The following ADAMTS6 variants were observed in gnomAD, a reference collection of about 807,000 sequenced individuals.
ADAMTS6 encodes the protein ADAM metallopeptidase with thrombospondin type 1 motif 6.
A neutral mutation model predicts 144.3 loss-of-function variants in ADAMTS6; 23 were observed. The ratio of observed to expected loss-of-function variants is 0.16; its 90% CI spans 0.11 to 0.23. The LOEUF (loss-of-function observed/expected upper bound fraction) is 0.23. Ranked by LOEUF, ADAMTS6 falls within the 10% of genes least tolerant of loss-of-function variation. ADAMTS6 has a pLI of 1.00. For synonymous variants in ADAMTS6, 444 were observed against 457.5 expected (o/e 0.97, Z 0.38); for missense variants, 999 against 1,379.6 (o/e 0.72, Z 4.37).
At chr5:65,371,212 A>G (rs1233637592) in intron 7 of ADAMTS6, among the ~76,000 whole-genome samples, 5 of 152,228 alleles carry the variant, frequency 3.3e-5, no homozygotes, top group Non-Finnish European at 7.3e-5. Context: ...AAAGCAGAGC[A>G]CCTCTCCTCC....
chr5:65,445,810 T>C (rs965969222), intron 7 of ADAMTS6, among the ~76,000 whole-genome samples: 4 of 151,916 alleles, frequency 2.6e-5, no homozygotes, highest in African/African-American at 7.3e-5. Flanking sequence ...ATATGGGCAA[T>C]GGGGGTGGGT....
intron 11 of ADAMTS6, among the ~76,000 whole-genome samples, chr5:65,279,676 C>A (rs1343962886): frequency 3.3e-5 from 5 of 152,126 alleles, no homozygotes; most frequent in Admixed American, 2.6e-4. Flanking sequence ...GCTCTGATTT[C>A]TATGTCTTTC....
rs1762205084 is a variant in ADAMTS6, at chr5:65,273,378, C to G, written c.1582G>C (p.Glu528Gln). The change falls in exon 12 of 25, where the codon GAG (glutamate) becomes CAG (glutamine). Residue 528 changes from glutamate to glutamine, a missense_variant. Glu to Gln is a conservative substitution (Grantham distance 29, BLOSUM62 2). Transcript: ENST00000381055. ...TTCCCAGTTTGACACAGTGTCCCCT[C>G]AGCTGCTGGAATACTGTTGGTGACA... is the stretch of plus-strand genomic sequence containing the variant. The part of the protein sequence containing the change: ...RCVTNSIPAA[E>Q]GTLCQTGNIE... 6.2e-7 allele frequency: 1 copy of G among 1,613,988 alleles called. No individual in the cohort carries two copies. Among genetic ancestry groups the G allele is most frequent in the Non-Finnish European group, 8.5e-7 (1 of 1,179,900 alleles).
intron 1 of ADAMTS6, among the ~76,000 whole-genome samples, chr5:65,477,619 C>T (rs1760929856): frequency 6.6e-6 from 1 of 152,146 alleles, no homozygotes; most frequent in Non-Finnish European, 1.5e-5. Flanking sequence ...TAAGGATTTG[C>T]AGTAAAAAAG....
chr5:65,299,870 T>C (rs2112796226), intron 10 of ADAMTS6, 115 bp downstream of exon 10: 1 of 1,163,362 alleles, frequency 8.6e-7, no homozygotes, highest in Non-Finnish European at 1.2e-6. Context: ...AGTTGAAACA[T>C]CAGTAGGCCC....
intron 9 of ADAMTS6, among the ~76,000 whole-genome samples, chr5:65,327,835 CATAAG>C (rs1208450827): frequency 6.6e-6 from 1 of 152,162 alleles, no homozygotes; most frequent in African/African-American, 2.4e-5. Context: ...CTTGTGACTA[CATAAG>C]ATAATAGTGT....
chr5:65,397,585 T>C (rs1229813801), intron 7 of ADAMTS6, among the ~76,000 whole-genome samples: 1 of 152,074 alleles, frequency 6.6e-6, no homozygotes, highest in Non-Finnish European at 1.5e-5. Context: ...TTTAGAAGTA[T>C]GTTGTTTATG....
chr5:65,466,376 C>G (rs1489214469), intron 3 of ADAMTS6, among the ~76,000 whole-genome samples: 1 of 152,184 alleles, frequency 6.6e-6, no homozygotes, highest in African/African-American at 2.4e-5. Context: ...CCCTCAGATG[C>G]CAGCATTTCC....
At chr5:65,361,616 T>C (rs931937439) in intron 7 of ADAMTS6, among the ~76,000 whole-genome samples, 1 of 152,200 alleles carries the variant, frequency 6.6e-6, no homozygotes, top group Non-Finnish European at 1.5e-5. Flanking sequence ...TCTAAATCAG[T>C]TGGGCTAGAA....
chr5:65,250,905 T>C (rs1219273990), intron 14 of ADAMTS6, among the ~76,000 whole-genome samples: 2 of 152,236 alleles, frequency 1.3e-5, no homozygotes, highest in Non-Finnish European at 2.9e-5. Context: ...GCCATATTTT[T>C]ACTCTTTACA....
chr5:65,214,346 T>G lies in ADAMTS6; in HGVS notation c.2575+448A>C. 2 of 304,862 alleles carry G rather than the reference T, an allele frequency of 6.6e-6. No homozygotes were observed. Among genetic ancestry groups the G allele is most frequent in the Non-Finnish European group, 6.3e-6 (1 of 157,542 alleles). The allele number at this position is 304,862 out of a possible 1,614,324, so 18.9% of individuals were successfully genotyped here. ...TAACTTTGATGGCAGGAGAAGGGAG[T>G]TTGAATAGGATTGTGGCAAACACAC... On this transcript the variant is annotated intron_variant, in intron 20 of 24. Transcript: ENST00000381055. The surrounding 1 kb of genome is among the most constrained non-coding windows in gnomAD (Gnocchi z 4.6).
In ADAMTS6 at chr5:65,168,833, T is replaced by C. The variant is rs1216835151; in HGVS notation, c.3244+1784A>G. The stretch of plus-strand genomic sequence containing the variant: ...GTGCTGGGAAAACTGGCTAGCCATA[T>C]GTAGAAAGCTGAAACTGGATCCCTT... On this transcript the variant is annotated intron_variant, in intron 24 of 24. Transcript: ENST00000381055. Among the ~76,000 whole-genome samples, 41 of 147,512 alleles carry C rather than the reference T, an allele frequency of 2.8e-4. 1 individual carries two copies. In the South Asian group the frequency reaches 7.5e-3, roughly 27 times the overall value.
intron 13 of ADAMTS6, among the ~76,000 whole-genome samples, chr5:65,262,163 T>C (rs915823745): frequency 1.3e-5 from 2 of 152,120 alleles, no homozygotes; most frequent in African/African-American, 4.8e-5. Flanking sequence ...GCAACAGAGC[T>C]AGCAAAGAAT....
chr5:65,300,678 C>T (rs1432411494), intron 9 of ADAMTS6, among the ~76,000 whole-genome samples: 3 of 151,830 alleles, frequency 2.0e-5, no homozygotes, highest in Admixed American at 1.3e-4. Flanking sequence ...GTCGTCCAGG[C>T]TGGAGTGCAG....
At chr5:65,160,548 C>T (rs150107154) in intron 24 of ADAMTS6, among the ~76,000 whole-genome samples, 18,094 of 152,086 alleles carry the variant, frequency 0.12, 1,523 homozygotes, top group African/African-American at 0.23. Context: ...TCGTGATCTG[C>T]CCGCCTCGCC....
chr5:65,402,014 C>A (rs766641403), intron 7 of ADAMTS6, among the ~76,000 whole-genome samples: 3 of 152,018 alleles, frequency 2.0e-5, no homozygotes, highest in East Asian at 1.9e-4. Context: ...TTGTTATTTC[C>A]AGTGGTTGTT....
chr5:65,320,653 C>A (rs1340151223), intron 9 of ADAMTS6, among the ~76,000 whole-genome samples: 1 of 151,154 alleles, frequency 6.6e-6, no homozygotes, highest in Admixed American at 6.6e-5. Flanking sequence ...ATTTCCCTGA[C>A]TAATACATCC....
intron 7 of ADAMTS6, among the ~76,000 whole-genome samples, chr5:65,448,156 T>C (rs1758427767): frequency 6.6e-6 from 1 of 151,340 alleles, no homozygotes; most frequent in South Asian, 2.1e-4. Flanking sequence ...AATTTAAATA[T>C]GCTCTTTGGT....
At chr5:65,384,119 T>C (rs1351640910) in intron 7 of ADAMTS6, among the ~76,000 whole-genome samples, 1 of 152,202 alleles carries the variant, frequency 6.6e-6, no homozygotes, top group East Asian at 1.9e-4. Flanking sequence ...CATTCTTTCG[T>C]TGTCTTGATG....
Sources: gnomAD v4.1 joint callset for allele counts (sites outside exome capture counted in the v4.1 genomes callset) on GRCh38, gnomAD v4.1.1 for gene constraint, Gnocchi (gnomAD v3.1) non-coding constraint, MANE v1.5 for transcripts, NCBI Gene and HGNC (gene_info 2026-07-23, HGNC 2026-07-21) for gene names.